The following DNAJC3 variants were observed in gnomAD, a reference collection of about 807,000 sequenced individuals.
DNAJC3 encodes dnaJ homolog subfamily C member 3.
In DNAJC3, 38 loss-of-function variants were observed where a neutral mutation model predicts 68.6. The observed-to-expected ratio is 0.55, with a 90% CI of 0.43 to 0.73. The LOEUF is 0.73. DNAJC3 is among the 30% of genes least tolerant of loss of function. DNAJC3 has a pLI of 0.00. For missense variants in DNAJC3, 526 were observed against 591.9 expected, an observed-to-expected ratio of 0.89 and a Z score of 1.16; for synonymous variants, 203 against 204.0, an observed-to-expected ratio of 1.00 and a Z score of 0.04.
chr13:95,755,808 A>G lies in DNAJC3; in HGVS notation c.394-1836A>G, dbSNP rs1882644153. Among the ~76,000 whole-genome samples the G allele has an allele frequency of 4.0e-5, 6 of 150,844 alleles. No homozygotes were observed. The South Asian group carries it at 1.3e-3, about 32-fold the overall frequency. On this transcript the variant is annotated intron_variant, in intron 4 of 11. Coordinates refer to ENST00000602402, the MANE Select transcript of DNAJC3 (RefSeq NM_006260.5). Reference sequence around the variant, plus strand: ...AAAGAATAAAAAAAAATCCCCCAAAACCCTAATTTCATCTGGCTTGACTCT... The same window carrying G: ...AAAGAATAAAAAAAAATCCCCCAAAGCCCTAATTTCATCTGGCTTGACTCT...
intron 4 of DNAJC3, among the ~76,000 whole-genome samples, chr13:95,751,500 G>A (rs1024611704): frequency 2.0e-5 from 3 of 152,090 alleles, no homozygotes. Flanking sequence ...AGAGTTAATT[G>A]GACAAGATGA....
intron 9 of DNAJC3, among the ~76,000 whole-genome samples, chr13:95,771,747 T>C (rs532038896): frequency 2.9e-4 from 44 of 152,242 alleles, no homozygotes; most frequent in African/African-American, 9.6e-4. Context: ...TGTCAAGATA[T>C]AGAACATTTT....
intron 9 of DNAJC3, among the ~76,000 whole-genome samples, chr13:95,779,839 GT>G (rs1414096661): frequency 2.6e-5 from 4 of 152,084 alleles, no homozygotes; most frequent in African/African-American, 9.7e-5. Context: ...CTTTGGCTAT[GT>G]TTTTCTGATG....
At chr13:95,765,388 G>T (rs533214499) in intron 9 of DNAJC3, among the ~76,000 whole-genome samples, 31 of 140,104 alleles carry the variant, frequency 2.2e-4, no homozygotes, top group African/African-American at 8.2e-4. Flanking sequence ...AGCTACAGAA[G>T]AATATAAAGA....
chr13:95,780,922 T>C (rs1312724692), intron 9 of DNAJC3, among the ~76,000 whole-genome samples: 4 of 152,160 alleles, frequency 2.6e-5, no homozygotes, highest in Admixed American at 6.5e-5. Flanking sequence ...GATTTGGAAC[T>C]TGCTAATGAA....
At chr13:95,720,143 T>A (rs552410020) in intron 2 of DNAJC3, among the ~76,000 whole-genome samples, 1 of 152,146 alleles carries the variant, frequency 6.6e-6, no homozygotes, top group Non-Finnish European at 1.5e-5. Context: ...ATATGTATTA[T>A]AGAATGTTAT....
At chr13:95,711,118 CTCAGATTTTTATTAT>C (rs767820707) in intron 2 of DNAJC3, among the ~76,000 whole-genome samples, 9 of 152,176 alleles carry the variant, frequency 5.9e-5, no homozygotes, top group Non-Finnish European at 1.0e-4. Flanking sequence ...TTTTCTTAAA[CTCAGATTTTTATTAT>C]TCAGATTTTT....
chr13:95,757,320 A>G (rs1307162044), intron 4 of DNAJC3, among the ~76,000 whole-genome samples: 5 of 152,334 alleles, frequency 3.3e-5, no homozygotes, highest in East Asian at 1.9e-4. Context: ...CTGCAGAGCT[A>G]TATGTAAGAA....
chr13:95,748,749 A>G (rs1265405051), intron 4 of DNAJC3, among the ~76,000 whole-genome samples: 1 of 152,084 alleles, frequency 6.6e-6, no homozygotes, highest in Non-Finnish European at 1.5e-5. Context: ...CTGGGAGGGA[A>G]AGGTTGCAGT....
At chr13:95,783,773 CAG>C (rs968762272) in intron 9 of DNAJC3, among the ~76,000 whole-genome samples, 5 of 152,202 alleles carry the variant, frequency 3.3e-5, no homozygotes, top group Admixed American at 3.3e-4. Flanking sequence ...CAGCTAAAGA[CAG>C]GGGGTCCTTG....
intron 2 of DNAJC3, among the ~76,000 whole-genome samples, chr13:95,720,549 C>T (rs1196460145): frequency 6.6e-6 from 1 of 152,068 alleles, no homozygotes; most frequent in African/African-American, 2.4e-5. Context: ...AAACCAGACC[C>T]ATAAAATTTT....
At chr13:95,786,178 TCA>T (rs1883597404) in intron 10 of DNAJC3, 107 bp downstream of exon 10, 4 of 1,211,100 alleles carry the variant, frequency 3.3e-6, no homozygotes, top group Non-Finnish European at 4.5e-6. Context: ...TTATGTAATT[TCA>T]GTCATATGGA....
At position 95,757,762 on chromosome 13, in the gene DNAJC3, C is replaced by T. The variant is rs766075149; in HGVS notation, c.512C>T (p.Thr171Ile). 5.1e-5 allele frequency: 79 copies of T among 1,563,698 alleles called. No homozygotes were observed. The highest frequency in any genetic ancestry group is 2.6e-5 in the Non-Finnish European group (30 of 1,141,912). Reference protein sequence around the residue: ...ALNAFGSGDYTAAIAFLDKIL... With the variant: ...ALNAFGSGDYIAAIAFLDKIL... ...AACGCTTTTGGAAGTGGAGATTATA[C>T]TGCTGCTATAGCCTTCCTTGATAAG... The change falls in exon 5 of 12, where the codon ACT (threonine) becomes ATT (isoleucine). Residue 171 changes from threonine to isoleucine, a missense_variant. Transcript: ENST00000602402.
intron 1 of DNAJC3, among the ~76,000 whole-genome samples, chr13:95,686,252 C>T (rs569593632): frequency 2.6e-5 from 4 of 152,174 alleles, no homozygotes; most frequent in African/African-American, 7.2e-5. Flanking sequence ...TGAGCCAGTG[C>T]GCCTGGCCCT....
chr13:95,755,240 G>A (rs1446491216), intron 4 of DNAJC3, among the ~76,000 whole-genome samples: 4 of 152,118 alleles, frequency 2.6e-5, no homozygotes, highest in Non-Finnish European at 5.9e-5. Context: ...GAGGCCCGGA[G>A]TTGGAGACCA....
intron 9 of DNAJC3, among the ~76,000 whole-genome samples, chr13:95,769,052 A>G (rs1296295033): frequency 6.7e-6 from 1 of 150,190 alleles, no homozygotes; most frequent in Non-Finnish European, 1.5e-5. Context: ...ATATCTATAT[A>G]TCCCACCTCT....
intron 1 of DNAJC3, among the ~76,000 whole-genome samples, chr13:95,678,166 A>G (rs17879452): frequency 0.013 from 1,968 of 152,290 alleles, 48 homozygotes; most frequent in African/African-American, 0.045. Flanking sequence ...GATAGTGCCG[A>G]TTTAACGAAT....
At chr13:95,738,816 C>T (rs1185221562) in intron 4 of DNAJC3, among the ~76,000 whole-genome samples, 1 of 151,896 alleles carries the variant, frequency 6.6e-6, no homozygotes, top group African/African-American at 2.4e-5. Flanking sequence ...GCATTTAGTC[C>T]ATTTACATTT....
At chr13:95,751,972 A>T (rs188228138) in intron 4 of DNAJC3, among the ~76,000 whole-genome samples, 169 of 152,328 alleles carry the variant, frequency 1.1e-3, no homozygotes, top group Middle Eastern at 3.4e-3. Context: ...CACTCCCGTG[A>T]TACAATTACC....
Sources: allele counts gnomAD v4.1 joint callset (sites outside exome capture counted in the v4.1 genomes callset), GRCh38; gene constraint gnomAD v4.1.1; transcripts MANE v1.5; gene names NCBI Gene and HGNC (gene_info 2026-07-23, HGNC 2026-07-21).